The following DGKB variants were observed in gnomAD, a reference collection of about 807,000 sequenced individuals.
DGKB encodes 90 kDa diacylglycerol kinase.
Under a neutral mutation model 114.3 loss-of-function variants are expected in DGKB, and 67 were observed. The observed-to-expected ratio is 0.59, with a 90% CI of 0.48 to 0.72. The LOEUF (loss-of-function observed/expected upper bound fraction) is 0.72, where lower values mean the gene tolerates loss of function less well. Ranked by LOEUF, DGKB falls within the 30% of genes least tolerant of loss-of-function variation. The pLI, the probability that DGKB is intolerant of heterozygous loss-of-function variation, is 0.00. For missense variants in DGKB, 907 were observed against 975.2 expected (o/e 0.93, Z 0.93); for synonymous variants, 398 against 323.1 (o/e 1.23, Z -2.49).
chr7:14,202,649 T>C (rs1786090626), intron 23 of DGKB, among the ~76,000 whole-genome samples: 1 of 152,012 alleles, frequency 6.6e-6, no homozygotes, highest in African/African-American at 2.4e-5. Flanking sequence ...TATATAGAAC[T>C]GCCTATTAAA....
rs558654121 is a variant in DGKB at position 14,775,872 on chromosome 7, T to C, written c.71-18141A>G. The stretch of plus-strand genomic sequence containing the variant: ...GAGGAGTGGGGTGCTGCTGTAAAGA[T>C]ATCCGAAAATGTGGAAGTGACTTTG... On this transcript the variant is annotated intron_variant, in intron 2 of 25. Coordinates refer to ENST00000402815, the MANE Select transcript of DGKB (RefSeq NM_001350709.2). Among the ~76,000 whole-genome samples the C allele has an allele frequency of 1.5e-3, 232 of 152,198 alleles. 1 individual carries two copies. The highest frequency in any genetic ancestry group is 5.2e-3 in the African/African-American group (216 of 41,528).
chr7:14,920,184 T>A (rs566965789), intron 1 of DGKB, among the ~76,000 whole-genome samples: 2 of 152,176 alleles, frequency 1.3e-5, no homozygotes, highest in South Asian at 4.1e-4. Context: ...TTAAAACTTA[T>A]GTGCAAAAGA....
At chr7:14,548,966 T>C (rs1794714439) in intron 20 of DGKB, among the ~76,000 whole-genome samples, 1 of 151,498 alleles carries the variant, frequency 6.6e-6, no homozygotes, top group Non-Finnish European at 1.5e-5. Context: ...TCTGCACAGA[T>C]GGTGGTTGAA....
intron 1 of DGKB, among the ~76,000 whole-genome samples, chr7:14,954,810 G>C (rs1382004769): frequency 6.6e-6 from 1 of 152,060 alleles, no homozygotes; most frequent in Non-Finnish European, 1.5e-5. Flanking sequence ...CCAGTAAATA[G>C]TTGGTTACAT....
At chr7:14,455,039 G>A (rs1331702000) in intron 21 of DGKB, among the ~76,000 whole-genome samples, 1 of 151,992 alleles carries the variant, frequency 6.6e-6, no homozygotes, top group Non-Finnish European at 1.5e-5. Context: ...CATCAGAAGT[G>A]TCTCCTGGTT....
intron 20 of DGKB, among the ~76,000 whole-genome samples, chr7:14,536,978 T>C (rs1043051825): frequency 1.3e-5 from 2 of 152,096 alleles, no homozygotes. Flanking sequence ...AGTTACAAGA[T>C]AGGTAGTAAA....
intron 23 of DGKB, among the ~76,000 whole-genome samples, chr7:14,221,167 G>T (rs555814218): frequency 6.6e-6 from 1 of 150,664 alleles, no homozygotes; most frequent in South Asian, 2.1e-4. Context: ...TTATTTTTTT[G>T]CCTTTTATTT....
At chr7:14,934,359 T>C (rs1356129266) in intron 1 of DGKB, among the ~76,000 whole-genome samples, 1 of 152,188 alleles carries the variant, frequency 6.6e-6, no homozygotes, top group Non-Finnish European at 1.5e-5. Context: ...CTTTGTAATA[T>C]GAATTACAAG....
intron 2 of DGKB, among the ~76,000 whole-genome samples, chr7:14,804,297 T>C (rs1160462603): frequency 1.3e-5 from 2 of 152,194 alleles, no homozygotes; most frequent in Admixed American, 6.6e-5. Flanking sequence ...TTAAAAAACA[T>C]AGGTAACATG....
At chr7:14,659,924 T>G (rs1816681193) in intron 13 of DGKB, among the ~76,000 whole-genome samples, 1 of 151,932 alleles carries the variant, frequency 6.6e-6, no homozygotes, top group Non-Finnish European at 1.5e-5. Context: ...CCTAATTTAT[T>G]GAGAGTTTTT....
chr7:14,236,970 G>C lies in DGKB; in HGVS notation c.2123-58819C>G, dbSNP rs532599948. Among the ~76,000 whole-genome samples the C allele has an allele frequency of 3.4e-4, 51 of 151,890 alleles. 1 individual carries two copies. The East Asian group carries it at 8.8e-3, about 26-fold the overall frequency. On this transcript the variant is annotated intron_variant, in intron 23 of 25. Coordinates refer to ENST00000402815, the MANE Select transcript of DGKB (RefSeq NM_001350709.2). ...CTCCACTTAATTTCTTGGCAATGTG[G>C]TAGTGGATCAATAAATCAATCTGGC...
chr7:14,701,567 G>T, intron 7 of DGKB, 114 bp downstream of exon 7: 1 of 728,292 alleles, frequency 1.4e-6, no homozygotes, highest in Non-Finnish European at 2.4e-6. Context: ...CCATATGAGT[G>T]GATGTAAATT....
At chr7:14,666,321 A>T (rs889363185) in intron 13 of DGKB, among the ~76,000 whole-genome samples, 1 of 152,006 alleles carries the variant, frequency 6.6e-6, no homozygotes, top group Admixed American at 6.6e-5. Flanking sequence ...GCCCAATTTA[A>T]TTTAAGAGAA....
chr7:14,302,331 A>G (rs1224384280), intron 23 of DGKB, among the ~76,000 whole-genome samples: 5 of 152,110 alleles, frequency 3.3e-5, no homozygotes, highest in African/African-American at 1.2e-4. Flanking sequence ...AGTGATGTGT[A>G]CACATATGAT....
At chr7:14,373,241 A>G (rs1332046686) in intron 21 of DGKB, among the ~76,000 whole-genome samples, 1 of 152,136 alleles carries the variant, frequency 6.6e-6, no homozygotes, top group Non-Finnish European at 1.5e-5. Flanking sequence ...AGTCATTGTT[A>G]TTTTGGGGCT....
At chr7:14,608,679 C>T (rs1036925074) in intron 16 of DGKB, among the ~76,000 whole-genome samples, 2 of 151,974 alleles carry the variant, frequency 1.3e-5, no homozygotes, top group African/African-American at 4.8e-5. Flanking sequence ...ACTCAGAAAA[C>T]TGTCAAAATT....
chr7:14,889,394 A>T (rs1019412724), intron 1 of DGKB, among the ~76,000 whole-genome samples: 1 of 151,638 alleles, frequency 6.6e-6, no homozygotes, highest in Non-Finnish European at 1.5e-5. Flanking sequence ...CCTTTAGGGG[A>T]GCTTCTTGTG....
At chr7:14,597,585 T>C (rs1802805697) in intron 17 of DGKB, among the ~76,000 whole-genome samples, 1 of 152,208 alleles carries the variant, frequency 6.6e-6, no homozygotes, top group East Asian at 1.9e-4. Context: ...TTCTATATGC[T>C]GATAACCTCT....
rs1563127426 is a variant in DGKB, at chr7:14,411,642, T to TGTA, written c.1836-66252_1836-66251insTAC. 1.7e-4 allele frequency among the ~76,000 whole-genome samples: 11 copies of TGTA among 63,602 alleles called. 3 individuals are homozygous for TGTA. Among genetic ancestry groups the TGTA allele is most frequent in the East Asian group, 7.3e-4 (2 of 2,746 alleles). The allele number at this position is 63,602 out of a possible 152,430, so 41.7% of individuals were successfully genotyped here. On this transcript the variant is annotated intron_variant, in intron 21 of 25. Transcript: ENST00000402815. ...GCATAATAGGATCATAACAACCATC[T>TGTA]TTCAAGGTGGCTGTAAGATAAACAG...
Sources: allele counts gnomAD v4.1 joint callset (sites outside exome capture counted in the v4.1 genomes callset), GRCh38; gene constraint gnomAD v4.1.1; transcripts MANE v1.5; gene names NCBI Gene and HGNC (gene_info 2026-07-23, HGNC 2026-07-21).